PGS1: variants seen among roughly 807,000 people sequenced by gnomAD.
PGS1 encodes phosphatidylglycerophosphate synthase 1, also known as CDP-diacylglycerol--glycerol-3-phosphate 3-phosphatidyltransferase, mitochondrial.
Under a neutral mutation model 58.3 loss-of-function variants are expected in PGS1, and 44 were observed. The ratio of observed to expected loss-of-function variants is 0.75; its 90% CI spans 0.59 to 0.97. The LOEUF (loss-of-function observed/expected upper bound fraction) is 0.97, where lower values mean the gene tolerates loss of function less well. Among genes scored for constraint, PGS1 ranks in the 50% least tolerant of loss-of-function variants. The probability of loss-of-function intolerance (pLI) is 0.00; values close to 1 mark genes in which losing one functional copy is unlikely to be tolerated. For synonymous variants in PGS1, 330 were observed against 311.0 expected (o/e 1.06, Z -0.64); for missense variants, 684 against 731.1 (o/e 0.94, Z 0.74).
At chr17:78,423,757 T>A (rs2086197308) in intron 9 of PGS1, 2 of 1,044,556 alleles carry the variant, frequency 1.9e-6, no homozygotes, top group South Asian at 3.0e-5. Context: ...CACCCTCTGG[T>A]TCCGATGTGC....
At chr17:78,386,492 A>G (rs1420995673) in intron 1 of PGS1, among the ~76,000 whole-genome samples, 1 of 152,160 alleles carries the variant, frequency 6.6e-6, no homozygotes, top group Non-Finnish European at 1.5e-5. Flanking sequence ...TGGGCGCTAG[A>G]TGGTGTCTAG....
intron 7 of PGS1, among the ~76,000 whole-genome samples, chr17:78,409,540 T>G (rs1236395450): frequency 1.3e-5 from 2 of 152,220 alleles, no homozygotes; most frequent in African/African-American, 4.8e-5. Flanking sequence ...GGGCACCCAG[T>G]GGGTGTGGTA....
At chr17:78,398,987 G>A (rs1395958687) in intron 4 of PGS1, among the ~76,000 whole-genome samples, 2 of 152,244 alleles carry the variant, frequency 1.3e-5, no homozygotes, top group Admixed American at 1.3e-4. Context: ...GCTCCCTCAT[G>A]GAGCTGGGGG....
intron 6 of PGS1, among the ~76,000 whole-genome samples, chr17:78,402,212 T>C (rs1470897376): frequency 2.6e-5 from 4 of 152,186 alleles, no homozygotes; most frequent in Non-Finnish European, 5.9e-5. Context: ...GAGTGTCTGT[T>C]CCTGCCCCCA....
At position 78,399,394 on chromosome 17, in the gene PGS1, C is replaced by T; in HGVS notation, c.558C>T (p.Phe186=). ...RTMLLPLLRR[F]PEQVRVSLFH... The stretch of plus-strand genomic sequence containing the variant: ...TGCTGCTCCCACTCCTGCGGAGGTT[C>T]CCAGAGCAGGTCCGAGTCTCCCTCT... The change falls in exon 5 of 10, where the codon TTC becomes TTT. Residue 186 remains phenylalanine (F), a synonymous_variant. Coordinates refer to ENST00000262764, the MANE Select transcript of PGS1 (RefSeq NM_024419.5). 6.2e-7 allele frequency: 1 copy of T among 1,614,142 alleles called. No individual in the cohort carries two copies. Among genetic ancestry groups the T allele is most frequent in the Non-Finnish European group, 8.5e-7 (1 of 1,180,030 alleles).
intron 1 of PGS1, among the ~76,000 whole-genome samples, chr17:78,385,673 C>T (rs761783582): frequency 3.9e-5 from 6 of 152,200 alleles, no homozygotes; most frequent in Non-Finnish European, 5.9e-5. Context: ...TCTGCCTGCT[C>T]GGCCTCTGAA....
chr17:78,378,792 G>C lies in PGS1; in HGVS notation c.127G>C (p.Asp43His). 3.4e-6 allele frequency: 5 copies of C among 1,477,296 alleles called. No homozygotes were observed. The highest frequency in any genetic ancestry group is 4.5e-6 in the Non-Finnish European group (5 of 1,121,374). 91.5% of individuals were successfully genotyped at this position (1,477,296 alleles called of 1,614,324 possible). The change falls in exon 1 of 10, where the codon GAC becomes CAC. Residue 43 changes from aspartate to histidine, a missense_variant. Asp to His is a moderately conservative substitution (Grantham distance 81, BLOSUM62 -1). Coordinates refer to ENST00000262764, the MANE Select transcript of PGS1 (RefSeq NM_024419.5). Reference sequence around the variant, plus strand: ...GTCCGACCGCCTCGGCAGGAACCGGGACCGCCAGCGCAGGAGGTGAGAGGG... The same window carrying C: ...GTCCGACCGCCTCGGCAGGAACCGGCACCGCCAGCGCAGGAGGTGAGAGGG... ...RLSDRLGRNR[D>H]RQRRRSPWLL...
chr17:78,418,087 G>A (rs114245063), intron 8 of PGS1, among the ~76,000 whole-genome samples: 3,673 of 151,600 alleles, frequency 0.024, 146 homozygotes, highest in African/African-American at 0.084. Context: ...ATGCCATCAC[G>A]CCCGGCTAAT....
rs763937576 is a variant in PGS1 at position 78,399,351 on chromosome 17, G to A, written c.515G>A (p.Arg172Gln). The A allele has an allele frequency of 8.7e-6, 14 of 1,613,442 alleles. No homozygotes were observed. Among genetic ancestry groups the A allele is most frequent in the South Asian group, 3.3e-5 (3 of 91,078 alleles). ...LLDFTRGSRG[R>Q]KNSRTMLLPL... The stretch of plus-strand genomic sequence containing the variant: ...CGTTTTCTCTGTCCGTGTTCAGGCC[G>A]GAAGAACTCCCGCACAATGCTGCTC... Residue 172 changes from arginine to glutamine, a missense_variant, in exon 5 of 10, where the codon CGG becomes CAG. Transcript: ENST00000262764.
intron 2 of PGS1, among the ~76,000 whole-genome samples, chr17:78,394,069 G>C (rs540307841): frequency 4.0e-5 from 6 of 150,698 alleles, no homozygotes; most frequent in Non-Finnish European, 7.4e-5. Flanking sequence ...CTAGTCAGGA[G>C]GCTGAGGCAG....
rs774872091 is a variant in PGS1 at position 78,412,689 on chromosome 17, GAC to G, written c.1403-2186_1403-2185del. On this transcript the variant is annotated intron_variant, in intron 7 of 9. Transcript: ENST00000262764. ...GGTGGACACCGAGTCATGGTGGCGTGACACAGAGCAGCCTGACCCTCGTCACC... is the reference window on the plus strand; with the variant it reads ...GGTGGACACCGAGTCATGGTGGCGTGACAGAGCAGCCTGACCCTCGTCACC... Among the ~76,000 whole-genome samples, 21 of 152,326 alleles carry G rather than the reference GAC, an allele frequency of 1.4e-4. No homozygotes were observed. The East Asian group carries it at 2.9e-3, about 21-fold the overall frequency.
At chr17:78,406,993 T>G (rs2084206905) in intron 7 of PGS1, among the ~76,000 whole-genome samples, 1 of 152,218 alleles carries the variant, frequency 6.6e-6, no homozygotes, top group Non-Finnish European at 1.5e-5. Flanking sequence ...CCCAACCTGC[T>G]TTTCTGGGGC....
At chr17:78,421,354 T>TCTAGAAGCAG (rs1429183583) in intron 9 of PGS1, 1 of 151,790 alleles carries the variant, frequency 6.6e-6, no homozygotes, top group Non-Finnish European at 1.5e-5. Flanking sequence ...ACTTTGCCTC[T>TCTAGAAGCAG]CTAGAAGCAG....
intron 1 of PGS1, among the ~76,000 whole-genome samples, chr17:78,380,328 T>TG (rs766027760): frequency 7.2e-5 from 11 of 152,290 alleles, no homozygotes; most frequent in Non-Finnish European, 1.0e-4. Context: ...TACAGAGATC[T>TG]GGGGTCCAGT....
intron 7 of PGS1, among the ~76,000 whole-genome samples, chr17:78,410,428 CAAAAT>C (rs930882320): frequency 1.1e-4 from 15 of 136,654 alleles, no homozygotes; most frequent in South Asian, 2.5e-4. Flanking sequence ...AACTCTGTCT[CAAAAT>C]AAAATAAAAC....
chr17:78,380,119 G>A (rs2081933800), intron 1 of PGS1, among the ~76,000 whole-genome samples: 1 of 151,942 alleles, frequency 6.6e-6, no homozygotes, highest in African/African-American at 2.4e-5. Context: ...ACCTGCCTCG[G>A]CCTCCCAAAG....
intron 2 of PGS1, among the ~76,000 whole-genome samples, chr17:78,393,148 CCT>C (rs2082953136): frequency 6.6e-6 from 1 of 151,948 alleles, no homozygotes; most frequent in Non-Finnish European, 1.5e-5. Flanking sequence ...GCAAGCTCCG[CCT>C]CTCGGGTTCA....
At chr17:78,379,694 A>T (rs1166666345) in intron 1 of PGS1, among the ~76,000 whole-genome samples, 1 of 151,796 alleles carries the variant, frequency 6.6e-6, no homozygotes, top group African/African-American at 2.4e-5. Flanking sequence ...ATGGTGGTGC[A>T]TGGCTGTAAT....
chr17:78,398,478 A>C, intron 4 of PGS1, 127 bp downstream of exon 4: 1 of 700,984 alleles, frequency 1.4e-6, no homozygotes. Flanking sequence ...AAGCTGGCCC[A>C]GGGCTGCCTG....
Sources: gnomAD v4.1 joint callset for allele counts (sites outside exome capture counted in the v4.1 genomes callset) on GRCh38, gnomAD v4.1.1 for gene constraint, MANE v1.5 for transcripts, NCBI Gene and HGNC (gene_info 2026-07-23, HGNC 2026-07-21) for gene names.